Variants in PRDX5 observed in about 807,000 individuals in gnomAD.
PRDX5 encodes peroxiredoxin 5.
A neutral mutation model predicts 23.8 loss-of-function variants in PRDX5; 21 were observed. The ratio of observed to expected loss-of-function variants is 0.88; its 90% CI spans 0.63 to 1.27. PRDX5 has a LOEUF of 1.27. PRDX5 is among the 50% of genes most tolerant of loss of function. The pLI is 0.00. For synonymous variants in PRDX5, 111 were observed against 113.3 expected (o/e 0.98, Z 0.13); for missense variants, 261 against 270.6 (o/e 0.96, Z 0.25).
rs757529407 is a variant in PRDX5, at chr11:64,318,288, T to A, written c.73T>A (p.Ser25Thr). 8.1e-6 allele frequency: 13 copies of A among 1,612,350 alleles called. No individual in the cohort carries two copies. Among genetic ancestry groups the A allele is most frequent in the African/African-American group, 1.3e-5 (1 of 74,850 alleles). Residue 25 changes from serine (S) to threonine (T), a missense_variant, in exon 1 of 6, where the codon TCT (serine) becomes ACT (threonine). Ser to Thr is a moderately conservative substitution (Grantham distance 58). Coordinates refer to ENST00000265462, the MANE Select transcript of PRDX5 (RefSeq NM_012094.5). Reference protein sequence around the residue: ...YILVGGAGGQSAAAAARRYSE... With the variant: ...YILVGGAGGQTAAAAARRYSE... ...ACTCGTCGGTGGGGCCGGCGGTCAG[T>A]CTGCGGCAGCGGCAGCAAGACGGTA...
rs753008684 is a variant in PRDX5 at position 64,319,720 on chromosome 11, GTCCT to G, written c.172-7_172-4del. 6.2e-7 allele frequency: 1 copy of G among 1,612,272 alleles called. No homozygotes were observed. Among genetic ancestry groups the G allele is most frequent in the East Asian group, 2.2e-5 (1 of 44,872 alleles). ...GCTCCCTCACCCCCCTTACCCTGGA[GTCCT>G]TCCTTCTAGGTGGGAGATGCCATCC... is the stretch of plus-strand genomic sequence containing the variant. On this transcript the variant is annotated splice_polypyrimidine_tract_variant and intron_variant, in intron 1 of 5. Coordinates refer to ENST00000265462, the MANE Select transcript of PRDX5 (RefSeq NM_012094.5).
chr11:64,318,426 C>T, intron 1 of PRDX5, 40 bp downstream of exon 1: 2 of 1,570,654 alleles, frequency 1.3e-6, no homozygotes, highest in Non-Finnish European at 1.7e-6. Context: ...CCCCCACTAC[C>T]CCCATGGCAA....
intron 1 of PRDX5, 127 bp downstream of exon 1, chr11:64,318,513 C>T (rs1213260823): frequency 2.9e-5 from 38 of 1,294,320 alleles, no homozygotes; most frequent in Non-Finnish European, 3.7e-5. Context: ...CCCGGCTCAT[C>T]CCTTCAGAAG....
intron 1 of PRDX5, among the ~76,000 whole-genome samples, chr11:64,319,399 C>T (rs2035426416): frequency 6.6e-6 from 1 of 152,142 alleles, no homozygotes; most frequent in Admixed American, 6.5e-5. Context: ...CAAATACAGC[C>T]CTCTAGCCCC....
rs150300468 is a variant in PRDX5, at chr11:64,320,264, G to A, written c.306+396G>A. ...TCTGCAGTCCAGCCTGGGTGAAAGA[G>A]CGAGACTCCGTCTCAAAATGAAAAA... On this transcript the variant is annotated intron_variant, in intron 2 of 5. Coordinates refer to ENST00000265462, the MANE Select transcript of PRDX5 (RefSeq NM_012094.5). Among the ~76,000 whole-genome samples the A allele has an allele frequency of 1.2e-3, 175 of 151,630 alleles. 1 individual carries two copies. In the East Asian group the frequency reaches 0.021, roughly 18 times the overall value.
chr11:64,320,957 G>A, intron 4 of PRDX5, 50 bp from the exon 5 acceptor site: 1 of 1,614,038 alleles, frequency 6.2e-7, no homozygotes, highest in Non-Finnish European at 8.5e-7. Context: ...AGCAGTGGGG[G>A]CCCTTAGCCT....
At chr11:64,319,358 C>T (rs1591255738) in intron 1 of PRDX5, among the ~76,000 whole-genome samples, 3 of 152,304 alleles carry the variant, frequency 2.0e-5, no homozygotes, top group Admixed American at 6.5e-5. Context: ...GATCCTCTCC[C>T]TCCATGTTGT....
rs1468942751 is a variant in PRDX5 at position 64,321,022 on chromosome 11, C to G, written c.493C>G (p.Leu165Val). ...CTCTTCTTAGGAGACAGACTTATTA[C>G]TAGATGATTCGCTGGTGTCCATCTT... Reference protein sequence around the residue: ...GAFGKETDLLLDDSLVSIFGN... With the variant: ...GAFGKETDLLVDDSLVSIFGN... The change falls in exon 5 of 6, where the codon CTA (leucine) becomes GTA (valine). Residue 165 changes from leucine to valine, a missense_variant. Physicochemically the swap from Leu to Val is conservative, Grantham distance 32. Coordinates refer to ENST00000265462, the MANE Select transcript of PRDX5 (RefSeq NM_012094.5). 2 of 1,614,014 alleles carry G rather than the reference C, an allele frequency of 1.2e-6. No individual in the cohort carries two copies. Among genetic ancestry groups the G allele is most frequent in the Non-Finnish European group, 1.7e-6 (2 of 1,180,030 alleles).
chr11:64,318,518 C>T (rs2135273632), intron 1 of PRDX5, 132 bp downstream of exon 1: 1 of 1,216,936 alleles, frequency 8.2e-7, no homozygotes, highest in South Asian at 1.4e-5. Context: ...CTCATCCCTT[C>T]AGAAGGCCCT....
At chr11:64,318,752 C>T (rs900688702) in intron 1 of PRDX5, among the ~76,000 whole-genome samples, 1 of 152,030 alleles carries the variant, frequency 6.6e-6, no homozygotes, top group Non-Finnish European at 1.5e-5. Context: ...AGATGCGAGC[C>T]ACCACGCCCA....
Position 64,318,226 on chromosome 11 carries a change from C to T in PRDX5, c.11C>T (p.Ala4Val), listed in dbSNP as rs573099270. 8.7e-6 allele frequency: 14 copies of T among 1,611,722 alleles called. No individual in the cohort carries two copies. In the South Asian group the frequency reaches 1.5e-4, roughly 18 times the overall value. Residue 4 changes from alanine to valine, a missense_variant, in exon 1 of 6, where the codon GCT becomes GTT. Physicochemically the swap from Ala to Val is moderately conservative, Grantham distance 64 (BLOSUM62 0). Coordinates refer to ENST00000265462, the MANE Select transcript of PRDX5 (RefSeq NM_012094.5). The stretch of plus-strand genomic sequence containing the variant: ...GGCCGTGGGGCGGGTATGGGACTAG[C>T]TGGCGTGTGCGCCCTGAGACGCTCA... MGL[A>V]GVCALRRSAG...
chr11:64,320,611 G>C (rs571795133), intron 2 of PRDX5, 50 bp from the exon 3 acceptor site: 10 of 1,542,152 alleles, frequency 6.5e-6, no homozygotes, highest in Non-Finnish European at 8.7e-6. Context: ...GGGTGGGCTG[G>C]GGGTCAGATG....
At chr11:64,319,446 C>G (rs45559036) in intron 1 of PRDX5, among the ~76,000 whole-genome samples, 1 of 152,352 alleles carries the variant, frequency 6.6e-6, no homozygotes, top group East Asian at 1.9e-4. Flanking sequence ...GTAACCTAGA[C>G]AGCATGTTAT....
In PRDX5 at chr11:64,320,637, C is replaced by G. The variant is rs747563951; in HGVS notation, c.307-24C>G. The G allele has an allele frequency of 2.6e-6, 4 of 1,563,188 alleles. No homozygotes were observed. The Admixed American group carries it at 7.5e-5, about 29-fold the overall frequency. Reference sequence around the variant, plus strand: ...GGGTCAGATGCAGTTATCCCTTTGCCGACCCTTTGTTCCCCTTCCTCAGAC... The same window carrying G: ...GGGTCAGATGCAGTTATCCCTTTGCGGACCCTTTGTTCCCCTTCCTCAGAC... On this transcript the variant is annotated intron_variant, in intron 2 of 5. Transcript: ENST00000265462.
At chr11:64,320,545 C>G (rs1316040733) in intron 2 of PRDX5, 116 bp from the exon 3 acceptor site, 2 of 1,431,158 alleles carry the variant, frequency 1.4e-6, no homozygotes, top group African/African-American at 1.4e-5. Flanking sequence ...TTAGACAGCT[C>G]TCATTGTCTG....
In PRDX5 at chr11:64,321,729, C is replaced by T. The variant is rs1047189; in HGVS notation, c.*38C>T. ...GATTACTTCCTCCACCCCTCCCTAT[C>T]TCACCTGCCCAGCCCTGTGCTGGGG... On this transcript the variant is annotated 3_prime_UTR_variant, in exon 6 of 6. Coordinates refer to ENST00000265462, the MANE Select transcript of PRDX5 (RefSeq NM_012094.5). The T allele has an allele frequency of 6.5e-7, 1 of 1,538,890 alleles. No individual in the cohort carries two copies. The highest frequency in any genetic ancestry group is 2.0e-5 in the Admixed American group (1 of 50,350).
intron 1 of PRDX5, among the ~76,000 whole-genome samples, chr11:64,319,445 A>T (rs1375210940): frequency 6.6e-6 from 1 of 152,124 alleles, no homozygotes; most frequent in Admixed American, 6.5e-5. Flanking sequence ...TGTAACCTAG[A>T]CAGCATGTTA....
chr11:64,319,280 C>G (rs920916660), intron 1 of PRDX5, among the ~76,000 whole-genome samples: 2 of 152,018 alleles, frequency 1.3e-5, no homozygotes, highest in African/African-American at 2.4e-5. Context: ...ACACCCTCCC[C>G]CAACGTTCCA....
chr11:64,320,700 A>G lies in PRDX5; in HGVS notation c.346A>G (p.Lys116Glu), dbSNP rs369475791. The change falls in exon 3 of 6, where the codon AAG becomes GAG. Residue 116 changes from lysine to glutamate, a missense_variant. Transcript: ENST00000265462. ...GTTTGTGGAGCAGGCTGAGGCTCTG[A>G]AGGCCAAGGGAGTCCAGGTGGTGGC... Reference protein sequence around the residue: ...PGFVEQAEALKAKGVQVVACL... With the variant: ...PGFVEQAEALEAKGVQVVACL... 4.3e-6 allele frequency: 7 copies of G among 1,611,498 alleles called. No individual in the cohort carries two copies. The highest frequency in any genetic ancestry group is 5.9e-6 in the Non-Finnish European group (7 of 1,178,070).
Sources: allele counts gnomAD v4.1 joint callset (sites outside exome capture counted in the v4.1 genomes callset), GRCh38; gene constraint gnomAD v4.1.1; transcripts MANE v1.5; gene names NCBI Gene and HGNC (gene_info 2026-07-23, HGNC 2026-07-21).